SGIP1: variants seen among roughly 807,000 people sequenced by gnomAD.
The protein encoded by SGIP1 is SH3GL interacting endocytic adaptor 1.
In SGIP1, 38 loss-of-function variants were observed where a neutral mutation model predicts 107.5. The ratio of observed to expected loss-of-function variants is 0.35; its 90% confidence interval spans 0.27 to 0.46. The LOEUF (loss-of-function observed/expected upper bound fraction) is 0.46, where lower values mean the gene tolerates loss of function less well. Ranked by LOEUF, SGIP1 falls within the 20% of genes least tolerant of loss-of-function variation. The probability of loss-of-function intolerance (pLI) is 1.00; values close to 1 mark genes in which losing one functional copy is unlikely to be tolerated. For missense variants in SGIP1, 929 were observed against 1,019.5 expected (o/e 0.91, Z 1.21); for synonymous variants, 365 against 366.1 (o/e 1.00, Z 0.03).
intron 5 of SGIP1, among the ~76,000 whole-genome samples, chr1:66,642,384 C>T (rs12137531): frequency 0.13 from 19,473 of 152,136 alleles, 1,335 homozygotes; most frequent in Admixed American, 0.18. Flanking sequence ...TTCTTTTAAA[C>T]CTCACTAATT....
chr1:66,725,559 AAAG>A (rs1164183236), intron 19 of SGIP1, among the ~76,000 whole-genome samples: 2 of 152,256 alleles, frequency 1.3e-5, no homozygotes, highest in African/African-American at 4.8e-5. Flanking sequence ...ACTGTGTCCC[AAAG>A]AAGAATAAAA....
At chr1:66,704,900 T>C (rs1017988940) in intron 18 of SGIP1, 1 of 152,186 alleles carries the variant, frequency 6.6e-6, no homozygotes, top group Non-Finnish European at 1.5e-5. Context: ...TGAAAGGCTT[T>C]TGCAAACTAT....
At chr1:66,542,815 C>CA (rs1267606379) in intron 1 of SGIP1, among the ~76,000 whole-genome samples, 1 of 152,110 alleles carries the variant, frequency 6.6e-6, no homozygotes, top group Non-Finnish European at 1.5e-5. Flanking sequence ...AACTAGGGCC[C>CA]ACTAAGGTTA....
intron 18 of SGIP1, among the ~76,000 whole-genome samples, chr1:66,700,619 A>G (rs937284402): frequency 6.8e-6 from 1 of 147,628 alleles, no homozygotes; most frequent in Admixed American, 6.8e-5. Context: ...CATGTGTACT[A>G]TGTATAATAA....
chr1:66,568,882 A>G (rs2060013618), intron 1 of SGIP1, among the ~76,000 whole-genome samples: 1 of 152,030 alleles, frequency 6.6e-6, no homozygotes, highest in Admixed American at 6.6e-5. Context: ...TTTTAGTAAT[A>G]GTATCCAAAA....
chr1:66,561,931 G>T lies in SGIP1; in HGVS notation c.10+27563G>T, dbSNP rs1465283172. ...AACAAGACCAGTTAAAATACACCAG[G>T]ATTAAATTTTGCTTCCCGTTTTCAT... On this transcript the variant is annotated intron_variant, in intron 1 of 24. Coordinates refer to ENST00000371037, the MANE Select transcript of SGIP1 (RefSeq NM_032291.4). Among the ~76,000 whole-genome samples, 9 of 152,064 alleles carry T rather than the reference G, an allele frequency of 5.9e-5. No individual in the cohort carries two copies. The South Asian group carries it at 1.7e-3, about 28-fold the overall frequency.
chr1:66,618,576 A>G (rs938358098), intron 1 of SGIP1, among the ~76,000 whole-genome samples: 1 of 152,172 alleles, frequency 6.6e-6, no homozygotes, highest in African/African-American at 2.4e-5. Flanking sequence ...CTTGTTACTC[A>G]TTTGTTTAGT....
intron 4 of SGIP1, among the ~76,000 whole-genome samples, chr1:66,638,592 G>A (rs1056867752): frequency 6.6e-6 from 1 of 152,068 alleles, no homozygotes; most frequent in Non-Finnish European, 1.5e-5. Flanking sequence ...AAGAAAGAGG[G>A]GATGAACACA....
intron 7 of SGIP1, among the ~76,000 whole-genome samples, chr1:66,648,429 G>A (rs530319383): frequency 2.0e-5 from 3 of 152,170 alleles, no homozygotes; most frequent in East Asian, 1.9e-4. Flanking sequence ...AATGGAACCA[G>A]GCTAAGGACA....
At position 66,587,153 on chromosome 1, in the gene SGIP1, C is replaced by T. The variant is rs141576118; in HGVS notation, c.11-38694C>T. Among the ~76,000 whole-genome samples, 4 of 152,136 alleles carry T rather than the reference C, an allele frequency of 2.6e-5. No individual in the cohort carries two copies. In the East Asian group the frequency reaches 7.7e-4, roughly 29 times the overall value. On this transcript the variant is annotated intron_variant, in intron 1 of 24. Coordinates refer to ENST00000371037, the MANE Select transcript of SGIP1 (RefSeq NM_032291.4). ...TGTATTTAATTTTCAGAATTTCAAT[C>T]ACAGCATATATCATTTCTTTGGGTT...
intron 20 of SGIP1, 84 bp downstream of exon 20, chr1:66,729,503 G>A: frequency 6.7e-7 from 1 of 1,501,560 alleles, no homozygotes; most frequent in Non-Finnish European, 9.1e-7. Context: ...CTTAGCAACA[G>A]GGTCGCACTA....
chr1:66,568,949 G>C (rs2060024548), intron 1 of SGIP1, among the ~76,000 whole-genome samples: 1 of 151,650 alleles, frequency 6.6e-6, no homozygotes, highest in South Asian at 2.1e-4. Flanking sequence ...GCACAGACCT[G>C]GCCAGTCAGA....
chr1:66,630,333 T>A (rs1442832187), intron 2 of SGIP1, among the ~76,000 whole-genome samples: 2 of 152,186 alleles, frequency 1.3e-5, no homozygotes, highest in African/African-American at 2.4e-5. Context: ...TTTTGCCGCA[T>A]CTATTTCTTG....
At chr1:66,660,655 C>T (rs1015540386) in intron 8 of SGIP1, 131 bp downstream of exon 8, 4 of 890,490 alleles carry the variant, frequency 4.5e-6, no homozygotes, top group South Asian at 2.9e-5. Context: ...CAAATCTTTG[C>T]GAACCATGAC....
chr1:66,559,347 G>A (rs934281409), intron 1 of SGIP1, among the ~76,000 whole-genome samples: 1 of 151,970 alleles, frequency 6.6e-6, no homozygotes, highest in Non-Finnish European at 1.5e-5. Flanking sequence ...CTGACTTATG[G>A]AGCTACTACT....
chr1:66,556,099 A>G (rs2058135609), intron 1 of SGIP1, among the ~76,000 whole-genome samples: 1 of 152,150 alleles, frequency 6.6e-6, no homozygotes, highest in Non-Finnish European at 1.5e-5. Flanking sequence ...AACAAACAAA[A>G]ATAGCTCCTA....
intron 3 of SGIP1, among the ~76,000 whole-genome samples, chr1:66,633,340 C>T (rs554493950): frequency 6.6e-6 from 1 of 152,248 alleles, no homozygotes; most frequent in South Asian, 2.1e-4. Context: ...GATGGTGGGT[C>T]ACAAGCCAGA....
At chr1:66,708,105 T>C (rs779848877) in intron 18 of SGIP1, among the ~76,000 whole-genome samples, 6 of 152,132 alleles carry the variant, frequency 3.9e-5, no homozygotes, top group Non-Finnish European at 5.9e-5. Context: ...GGTTTAAGAA[T>C]ACAATGGAAG....
chr1:66,592,171 T>C (rs12077193), intron 1 of SGIP1, among the ~76,000 whole-genome samples: 8,592 of 152,162 alleles, frequency 0.056, 738 homozygotes, highest in African/African-American at 0.19. Flanking sequence ...GGTCTTTCCC[T>C]TCCCATGAAG....
Sources: allele counts gnomAD v4.1 joint callset (sites outside exome capture counted in the v4.1 genomes callset), GRCh38; gene constraint gnomAD v4.1.1; transcripts MANE v1.5; gene names NCBI Gene and HGNC (gene_info 2026-07-23, HGNC 2026-07-21).